Variants in TBCD observed in about 807,000 individuals in gnomAD.
The protein encoded by TBCD is tubulin folding cofactor D.
In TBCD, 105 loss-of-function variants were observed where a neutral mutation model predicts 169.3. The ratio of observed to expected loss-of-function variants is 0.62; its 90% CI spans 0.53 to 0.73. TBCD has a LOEUF of 0.73. Among genes scored for constraint, TBCD ranks in the 30% least tolerant of loss-of-function variants. The pLI is 0.00. For missense variants in TBCD, 1,444 were observed against 1,600.1 expected (o/e 0.90, Z 1.66); for synonymous variants, 700 against 643.9 (o/e 1.09, Z -1.32).
In TBCD at chr17:82,842,535, T is replaced by C. The variant is rs574720071; in HGVS notation, c.1318+27601T>C. On this transcript the variant is annotated intron_variant, in intron 13 of 38. Transcript: ENST00000355528. ...GGTTTTGCCTGCCTCTCTCTTGCAC[T>C]GGAAGGCCTGCTGCTCGGATCCCAT... is the stretch of plus-strand genomic sequence containing the variant. 2.0e-3 allele frequency among the ~76,000 whole-genome samples: 308 copies of C among 152,326 alleles called. 2 individuals carry two copies. Among genetic ancestry groups the C allele is most frequent in the African/African-American group, 7.1e-3 (295 of 41,564 alleles).
In TBCD at chr17:82,884,783, C is replaced by T. The variant is rs1008933642; in HGVS notation, c.1533+581C>T. ...AGGAGCTGTAGCAACTGCTGCTGCG[C>T]TGAGCAGACTACTTCATTTGGCTCA... is the stretch of plus-strand genomic sequence containing the variant. On this transcript the variant is annotated intron_variant, in intron 15 of 38. Transcript: ENST00000355528. This position sits in a 1 kb window ranked among gnomAD's most constrained non-coding sequence, Gnocchi z 4.2. 5 of 163,384 alleles carry T rather than the reference C, an allele frequency of 3.1e-5. No homozygotes were observed. The highest frequency in any genetic ancestry group is 1.7e-4 in the Admixed American group (3 of 17,438). The allele number at this position is 163,384 out of a possible 1,614,324, so 10.1% of individuals were successfully genotyped here. A position where few individuals can be genotyped will look rare whatever the true frequency, so the allele number is the denominator to read the frequency against.
rs1424103902 is a variant in TBCD at position 82,782,423 on chromosome 17, G to C, written c.771+702G>C. On this transcript the variant is annotated intron_variant, in intron 7 of 38. Coordinates refer to ENST00000355528, the MANE Select transcript of TBCD (RefSeq NM_005993.5). This position sits in a 1 kb window ranked among gnomAD's most constrained non-coding sequence, Gnocchi z 5.1. ...CTTCTTCTCTCTTTAATTACAGCGG[G>C]TGAGGCTTTGAGAGCACTTCTCATC... Among the ~76,000 whole-genome samples, 2 of 152,200 alleles carry C rather than the reference G, an allele frequency of 1.3e-5. No individual in the cohort carries two copies. Among genetic ancestry groups the C allele is most frequent in the East Asian group, 3.9e-4 (2 of 5,190 alleles).
Position 82,930,407 on chromosome 17 carries a change from C to T in TBCD, c.2992-115C>T. The T allele has an allele frequency of 7.0e-7, 1 of 1,436,464 alleles. No homozygotes were observed. The highest frequency in any genetic ancestry group is 9.2e-7 in the Non-Finnish European group (1 of 1,084,528). The allele number at this position is 1,436,464 out of a possible 1,614,324, so 89.0% of individuals were successfully genotyped here. On this transcript the variant is annotated intron_variant, in intron 32 of 38. Coordinates refer to ENST00000355528, the MANE Select transcript of TBCD (RefSeq NM_005993.5). This position sits in a 1 kb window ranked among gnomAD's most constrained non-coding sequence, Gnocchi z 5.2. ...GCCGCTTGGGGCCAGACCTTCGCGT[C>T]TCTGCAGCTCGGAGCAGTTCTGCTC...
At position 82,923,888 on chromosome 17, in the gene TBCD, C is replaced by T. The variant is rs2061564183; in HGVS notation, c.2260+155C>T. ...ACTGTTCGGGTCTCAGGTTCCCAGCCGAGGAGCTGTGGGCAGGTCCTGCAG... is the reference window on the plus strand; with the variant it reads ...ACTGTTCGGGTCTCAGGTTCCCAGCTGAGGAGCTGTGGGCAGGTCCTGCAG... On this transcript the variant is annotated intron_variant, in intron 26 of 38. Coordinates refer to ENST00000355528, the MANE Select transcript of TBCD (RefSeq NM_005993.5). The surrounding 1 kb of genome is among the most constrained non-coding windows in gnomAD (Gnocchi z 4.6). 1.3e-5 allele frequency among the ~76,000 whole-genome samples: 2 copies of T among 152,030 alleles called. No homozygotes were observed. The highest frequency in any genetic ancestry group is 2.9e-5 in the Non-Finnish European group (2 of 67,984).
chr17:82,928,618 T>G (rs1322184899), intron 30 of TBCD, among the ~76,000 whole-genome samples: 1 of 152,088 alleles, frequency 6.6e-6, no homozygotes, highest in African/African-American at 2.4e-5. Context: ...GTCCAGGCCC[T>G]GCCCTTGCTG....
Position 82,835,375 on chromosome 17 carries a change from ATT to A in TBCD, c.1318+20444_1318+20445del, listed in dbSNP as rs2053878541. Among the ~76,000 whole-genome samples the A allele has an allele frequency of 1.3e-5, 2 of 152,044 alleles. No individual in the cohort carries two copies. Among genetic ancestry groups the A allele is most frequent in the South Asian group, 4.2e-4 (2 of 4,814 alleles). ...CCCCGAACTCTGGGGAAGTGCTCTG[ATT>A]TTGTTCTCAGCAAACTGGTTTCTCT... On this transcript the variant is annotated intron_variant, in intron 13 of 38. Coordinates refer to ENST00000355528, the MANE Select transcript of TBCD (RefSeq NM_005993.5). This position sits in a 1 kb window ranked among gnomAD's most constrained non-coding sequence, Gnocchi z 4.5.
intron 8 of TBCD, among the ~76,000 whole-genome samples, 171 bp downstream of exon 8, chr17:82,797,973 T>C (rs2050228007): frequency 2.9e-5 from 1 of 33,936 alleles, no homozygotes; most frequent in Admixed American, 2.9e-4. Flanking sequence ...TTTTTTTTTT[T>C]TTTTTTTTTT....
intron 15 of TBCD, among the ~76,000 whole-genome samples, chr17:82,887,201 T>C (rs1567962126): frequency 1.4e-5 from 2 of 145,936 alleles, no homozygotes; most frequent in African/African-American, 5.1e-5. Flanking sequence ...ACGCGTTTAC[T>C]TCTGTGTGAT....
intron 18 of TBCD, among the ~76,000 whole-genome samples, chr17:82,901,901 A>T (rs1053940652): frequency 1.3e-5 from 2 of 152,186 alleles, no homozygotes; most frequent in Non-Finnish European, 2.9e-5. Flanking sequence ...AAAATTAATT[A>T]ATTTGTCAGT....
intron 13 of TBCD, chr17:82,830,923 G>C (rs2053447153): frequency 1.2e-6 from 2 of 1,612,988 alleles, no homozygotes; most frequent in Non-Finnish European, 1.7e-6. Context: ...GCTTAGAAAA[G>C]CAACTGCGTG....
chr17:82,805,690 G>A (rs984869400), intron 9 of TBCD, among the ~76,000 whole-genome samples, 185 bp from the exon 10 acceptor site: 1 of 152,198 alleles, frequency 6.6e-6, no homozygotes, highest in African/African-American at 2.4e-5. Flanking sequence ...CCCACACCAG[G>A]ATCTTCCTGG....
intron 13 of TBCD, among the ~76,000 whole-genome samples, chr17:82,827,194 G>A (rs937143333): frequency 3.3e-5 from 5 of 152,192 alleles, no homozygotes; most frequent in African/African-American, 4.8e-5. Flanking sequence ...CCAAGCTCAC[G>A]CCTGACCTCT....
chr17:82,851,603 C>G (rs920000106), intron 13 of TBCD, among the ~76,000 whole-genome samples: 10 of 152,214 alleles, frequency 6.6e-5, no homozygotes, highest in African/African-American at 2.4e-4. Flanking sequence ...GAAAGGTTCA[C>G]TCTGCACAGG....
At chr17:82,871,011 A>G (rs929044937) in intron 14 of TBCD, among the ~76,000 whole-genome samples, 2 of 152,216 alleles carry the variant, frequency 1.3e-5, no homozygotes, top group African/African-American at 4.8e-5. Context: ...ACACTTCAGA[A>G]CCTCTGGGAG....
intron 21 of TBCD, chr17:82,908,373 T>TG (rs1268527593): frequency 8.8e-6 from 4 of 456,530 alleles, no homozygotes; most frequent in African/African-American, 8.0e-5. Context: ...CGGATTTCTC[T>TG]GGGGAGACAG....
Position 82,923,723 on chromosome 17 carries a change from C to G in TBCD, c.2250C>G (p.Pro750=). ...YYMKEPGEAD[P]AIQEELITQY... Reference sequence around the variant, plus strand: ...TGAAGGAGCCGGGGGAGGCAGATCCCGCAATTCAGGGTGAGTGGGGAGCCC... The same window carrying G: ...TGAAGGAGCCGGGGGAGGCAGATCCGGCAATTCAGGGTGAGTGGGGAGCCC... The change falls in exon 26 of 39, where the codon CCC becomes CCG. Residue 750 remains proline, a synonymous_variant. Coordinates refer to ENST00000355528, the MANE Select transcript of TBCD (RefSeq NM_005993.5). This position sits in a 1 kb window ranked among gnomAD's most constrained non-coding sequence, Gnocchi z 4.6. The G allele has an allele frequency of 6.3e-7, 1 of 1,598,532 alleles. No homozygotes were observed. Among genetic ancestry groups the G allele is most frequent in the Non-Finnish European group, 8.5e-7 (1 of 1,172,822 alleles).
At chr17:82,827,104 G>T (rs988763049) in intron 13 of TBCD, among the ~76,000 whole-genome samples, 3 of 152,206 alleles carry the variant, frequency 2.0e-5, no homozygotes, top group African/African-American at 7.2e-5. Context: ...GTGCTAAGAA[G>T]TCTTATTCAT....
In TBCD at chr17:82,809,866, T is replaced by C. The variant is rs2051299371; in HGVS notation, c.1223+84T>C. Reference sequence around the variant, plus strand: ...TTTCCTTATATCCTTTCACGCTTGCTTTTCATTGAGCTGTTTGTCAGAACT... The same window carrying C: ...TTTCCTTATATCCTTTCACGCTTGCCTTTCATTGAGCTGTTTGTCAGAACT... On this transcript the variant is annotated intron_variant, in intron 12 of 38. Transcript: ENST00000355528. 16 of 1,299,208 alleles carry C rather than the reference T, an allele frequency of 1.2e-5. No homozygotes were observed. In the South Asian group the frequency reaches 1.7e-4, roughly 14 times the overall value. The allele number at this position is 1,299,208 out of a possible 1,614,324, so 80.5% of individuals were successfully genotyped here. A position where few individuals can be genotyped will look rare whatever the true frequency, so the allele number is the denominator to read the frequency against.
At chr17:82,758,384 G>GAAAA (rs71168146) in intron 2 of TBCD, among the ~76,000 whole-genome samples, 309 of 24,822 alleles carry the variant, frequency 0.012, 9 homozygotes, top group Middle Eastern at 0.036. Flanking sequence ...AAACGTCTCG[G>GAAAA]AAAAAAAAAA....
Sources: allele counts gnomAD v4.1 joint callset (sites outside exome capture counted in the v4.1 genomes callset), GRCh38; gene constraint gnomAD v4.1.1; non-coding constraint Gnocchi (gnomAD v3.1); transcripts MANE v1.5; gene names NCBI Gene and HGNC (gene_info 2026-07-23, HGNC 2026-07-21).